TNFSF4: variants seen among roughly 807,000 people sequenced by gnomAD.
The protein encoded by TNFSF4 is TNF superfamily member 4, also known as tumor necrosis factor ligand superfamily member 4.
Under a neutral mutation model 7.3 loss-of-function variants are expected in TNFSF4, and 4 were observed. The ratio of observed to expected loss-of-function variants is 0.55; its 90% confidence interval spans 0.27 to 1.25. The LOEUF (loss-of-function observed/expected upper bound fraction) is 1.25. TNFSF4 is among the 50% of genes most tolerant of loss of function. The probability of loss-of-function intolerance (pLI) is 0.12; values close to 1 mark genes in which losing one functional copy is unlikely to be tolerated. For missense variants in TNFSF4, 181 were observed against 208.8 expected, an observed-to-expected ratio of 0.87 and a Z score of 0.82; for synonymous variants, 76 against 83.7, an observed-to-expected ratio of 0.91 and a Z score of 0.50.
the TNFSF4 span, among the ~76,000 whole-genome samples, chr1:173,217,853 G>T: frequency 2.0e-5 from 3 of 151,918 alleles, no homozygotes; most frequent in African/African-American, 7.3e-5. Flanking sequence ...GGGCTTAAGC[G>T]TCCTCCCACC....
chr1:173,230,423 C>T, the TNFSF4 span, among the ~76,000 whole-genome samples: 1 of 152,218 alleles, frequency 6.6e-6, no homozygotes, highest in East Asian at 1.9e-4. Flanking sequence ...GGGACACATT[C>T]AAAGCAGTGT....
chr1:173,179,391 G>A (rs1349003530), downstream of TNFSF4, among the ~76,000 whole-genome samples: 2 of 152,072 alleles, frequency 1.3e-5, no homozygotes, highest in Non-Finnish European at 2.9e-5. Context: ...AATCTCATGC[G>A]AACTTTGCCT....
the TNFSF4 span, among the ~76,000 whole-genome samples, chr1:173,323,946 T>C: frequency 3.1e-3 from 477 of 152,302 alleles, 6 homozygotes; most frequent in African/African-American, 8.9e-3. Flanking sequence ...CTGCAGGATA[T>C]TGTCCACAAG....
chr1:173,436,119 T>C, the TNFSF4 span, among the ~76,000 whole-genome samples: 1 of 152,230 alleles, frequency 6.6e-6, no homozygotes, highest in Non-Finnish European at 1.5e-5. Context: ...TTTTAAATTT[T>C]ATGTCTTAGT....
the TNFSF4 span, among the ~76,000 whole-genome samples, chr1:173,217,905 G>A: frequency 3.3e-5 from 5 of 151,872 alleles, no homozygotes; most frequent in Non-Finnish European, 7.4e-5. Context: ...GTGCCACCAT[G>A]TACAGCTAAT....
At chr1:173,312,421 A>C in the TNFSF4 span, among the ~76,000 whole-genome samples, 3 of 151,694 alleles carry the variant, frequency 2.0e-5, no homozygotes, top group East Asian at 1.9e-4. Context: ...CTCTTTTTTT[A>C]ATTTCTTGTC....
At chr1:173,306,345 G>T in the TNFSF4 span, among the ~76,000 whole-genome samples, 1 of 137,348 alleles carries the variant, frequency 7.3e-6, no homozygotes, top group Admixed American at 7.0e-5. Flanking sequence ...AATGAGAAAA[G>T]ATGGGGGTAA....
chr1:173,266,696 T>G, the TNFSF4 span, among the ~76,000 whole-genome samples: 7,676 of 152,248 alleles, frequency 0.05, 236 homozygotes, highest in East Asian at 0.13. Flanking sequence ...TCACATTTAT[T>G]TTTATATTCC....
At chr1:173,333,651 T>C in the TNFSF4 span, among the ~76,000 whole-genome samples, 102 of 152,220 alleles carry the variant, frequency 6.7e-4, no homozygotes, top group African/African-American at 2.3e-3. Flanking sequence ...AGAAGGCAGC[T>C]ACCTACAAGC....
At chr1:173,252,167 C>T in the TNFSF4 span, among the ~76,000 whole-genome samples, 2 of 151,758 alleles carry the variant, frequency 1.3e-5, no homozygotes, top group African/African-American at 2.4e-5. Context: ...TGTCAAAATA[C>T]TGATTCTTCC....
At chr1:173,428,042 G>A in the TNFSF4 span, among the ~76,000 whole-genome samples, 17 of 151,360 alleles carry the variant, frequency 1.1e-4, no homozygotes, top group Admixed American at 2.0e-4. Flanking sequence ...TCACCTCCCA[G>A]GTTCAAGCGA....
At chr1:173,408,458 G>A in the TNFSF4 span, among the ~76,000 whole-genome samples, 1 of 152,142 alleles carries the variant, frequency 6.6e-6, no homozygotes, top group Non-Finnish European at 1.5e-5. Flanking sequence ...ATAGTAGAAT[G>A]CCAACTAATT....
the TNFSF4 span, among the ~76,000 whole-genome samples, chr1:173,250,499 A>G: frequency 2.8e-5 from 4 of 145,310 alleles, no homozygotes; most frequent in Admixed American, 1.4e-4. Context: ...TCGCTCTGTC[A>G]CCCGGGCTGG....
At chr1:173,268,210 G>A in the TNFSF4 span, among the ~76,000 whole-genome samples, 1 of 152,112 alleles carries the variant, frequency 6.6e-6, no homozygotes, top group South Asian at 2.1e-4. Flanking sequence ...GGGGCCTTCA[G>A]ACAGAAAAGA....
chr1:173,291,256 C>T, the TNFSF4 span, among the ~76,000 whole-genome samples: 1 of 152,086 alleles, frequency 6.6e-6, no homozygotes, highest in Non-Finnish European at 1.5e-5. Context: ...AACCAGATCT[C>T]ATGAGCACTT....
the TNFSF4 span, among the ~76,000 whole-genome samples, chr1:173,316,383 G>T: frequency 1.3e-5 from 2 of 152,154 alleles, no homozygotes; most frequent in Middle Eastern, 3.4e-3. Context: ...TGAAAAGATT[G>T]TATCAATTTT....
chr1:173,306,293 C>G, the TNFSF4 span, among the ~76,000 whole-genome samples: 3 of 151,874 alleles, frequency 2.0e-5, no homozygotes, highest in Non-Finnish European at 4.4e-5. Flanking sequence ...TAAAACTTCT[C>G]TCTTCTCTGA....
At chr1:173,282,343 G>A in the TNFSF4 span, among the ~76,000 whole-genome samples, 5 of 151,788 alleles carry the variant, frequency 3.3e-5, no homozygotes, top group Non-Finnish European at 7.4e-5. Flanking sequence ...AATAAAAAAT[G>A]AAATAAAAGT....
chr1:173,255,972 A>G, the TNFSF4 span, among the ~76,000 whole-genome samples: 1 of 152,192 alleles, frequency 6.6e-6, no homozygotes, highest in Non-Finnish European at 1.5e-5. Context: ...GGAAGTGGAA[A>G]AGAGAGGGTA....
Sources: allele counts gnomAD v4.1 joint callset (sites outside exome capture counted in the v4.1 genomes callset), GRCh38; gene constraint gnomAD v4.1.1; transcripts MANE v1.5; gene names NCBI Gene and HGNC (gene_info 2026-07-23, HGNC 2026-07-21).